CD101: variants seen among roughly 807,000 people sequenced by gnomAD.
The protein encoded by CD101 is immunoglobulin superfamily member 2.
A neutral mutation model predicts 98.2 loss-of-function variants in CD101; 76 were observed. The ratio of observed to expected loss-of-function variants is 0.77; its 90% CI spans 0.64 to 0.94. The LOEUF is 0.94. CD101 is among the 40% of genes least tolerant of loss of function. The pLI is 0.00. For synonymous variants in CD101, 471 were observed against 472.7 expected (o/e 1.00, Z 0.05); for missense variants, 1,145 against 1,218.8 (o/e 0.94, Z 0.90).
chr1:117,036,332 T>G lies in CD101; in HGVS notation c.*198T>G, dbSNP rs1341116669. On this transcript the variant is annotated 3_prime_UTR_variant, in exon 10 of 10. Coordinates refer to ENST00000682167, the MANE Select transcript of CD101 (RefSeq NM_001256106.3). The surrounding 1 kb of genome is among the most constrained non-coding windows in gnomAD (Gnocchi z 5.0). The stretch of plus-strand genomic sequence containing the variant: ...TACCCCAGGGGGAGCTATAGCTTCA[T>G]GACCGTAACATGTGACCTGTGTGCT... 6.6e-6 allele frequency: 1 copy of G among 152,218 alleles called. No homozygotes were observed. Among genetic ancestry groups the G allele is most frequent in the African/African-American group, 2.4e-5 (1 of 41,420 alleles). The allele number at this position is 152,218 out of a possible 1,614,324, so 9.4% of individuals were successfully genotyped here. A position where few individuals can be genotyped will look rare whatever the true frequency, so the allele number is the denominator to read the frequency against.
chr1:117,008,823 G>A (rs1448102635), intron 1 of CD101, among the ~76,000 whole-genome samples: 1 of 151,948 alleles, frequency 6.6e-6, no homozygotes, highest in Non-Finnish European at 1.5e-5. Context: ...ACTCTGTTCG[G>A]TTAACTCCAT....
chr1:117,025,992 C>T (rs1653899049), intron 8 of CD101, 88 bp downstream of exon 8: 1 of 1,401,154 alleles, frequency 7.1e-7, no homozygotes, highest in Non-Finnish European at 9.6e-7. Flanking sequence ...ATCTTTTGCT[C>T]CTTCTGAAGA....
At position 117,005,334 on chromosome 1, in the gene CD101, C is replaced by T. The variant is rs753791248; in HGVS notation, c.43+3474C>T. Among the ~76,000 whole-genome samples, 1 of 152,138 alleles carries T rather than the reference C, an allele frequency of 6.6e-6. No individual in the cohort carries two copies. Among genetic ancestry groups the T allele is most frequent in the Non-Finnish European group, 1.5e-5 (1 of 68,016 alleles). The stretch of plus-strand genomic sequence containing the variant: ...TCTTCATTTTTCCTTCTCCATGAAA[C>T]TCCTGGAAGTAGGTTCCACTTCCTG... On this transcript the variant is annotated intron_variant, in intron 1 of 9. Transcript: ENST00000682167. This position sits in a 1 kb window ranked among gnomAD's most constrained non-coding sequence, Gnocchi z 4.4.
intron 1 of CD101, among the ~76,000 whole-genome samples, chr1:117,003,649 T>C (rs1313812303): frequency 6.6e-6 from 1 of 152,202 alleles, no homozygotes; most frequent in African/African-American, 2.4e-5. Flanking sequence ...TTCTGTCTCT[T>C]TTTTTGGTAA....
intron 1 of CD101, among the ~76,000 whole-genome samples, chr1:117,002,941 G>A (rs1341891192): frequency 6.6e-6 from 1 of 152,208 alleles, no homozygotes; most frequent in South Asian, 2.1e-4. Flanking sequence ...TTTCACCCTA[G>A]TTTATGGACC....
rs1654633311 is a variant in CD101, at chr1:117,033,949, A to C, written c.2914A>C (p.Ile972Leu). The C allele has an allele frequency of 5.0e-6, 8 of 1,613,982 alleles. No individual in the cohort carries two copies. The highest frequency in any genetic ancestry group is 5.9e-6 in the Non-Finnish European group (7 of 1,179,996). Residue 972 changes from isoleucine to leucine, a missense_variant, in exon 9 of 10, where the codon ATC becomes CTC. Ile to Leu is a conservative substitution (Grantham distance 5). Coordinates refer to ENST00000682167, the MANE Select transcript of CD101 (RefSeq NM_001256106.3). The surrounding 1 kb of genome is among the most constrained non-coding windows in gnomAD (Gnocchi z 4.8). ...CTTCGTCCTGCTCCTCCTTCTGCTC[A>C]TCTCCCTCCTCTGCTTATACTGGAA... ...CPFVLLLLLL[I>L]SLLCLYWKAR...
At chr1:117,020,723 G>T (rs1050159720) in intron 6 of CD101, among the ~76,000 whole-genome samples, 2 of 152,200 alleles carry the variant, frequency 1.3e-5, no homozygotes, top group African/African-American at 4.8e-5. Flanking sequence ...CCCTGCACTT[G>T]TCTCCCTCTA....
rs1653280891 is a variant in CD101, at chr1:117,017,228, A to G, written c.1367A>G (p.Gln456Arg). Residue 456 changes from glutamine (Q) to arginine (R), a missense_variant, in exon 5 of 10, where the codon CAG (glutamine) becomes CGG (arginine). Transcript: ENST00000682167. ...SWWHIPRDQT[Q>R]PEFVAGMGQD... ...TGGCACATCCCACGGGACCAGACAC[A>G]GCCCGAGTTTGTGGCTGGCATGGGG... The G allele has an allele frequency of 6.2e-7, 1 of 1,614,106 alleles. No individual in the cohort carries two copies. The highest frequency in any genetic ancestry group is 1.7e-5 in the Admixed American group (1 of 59,998).
chr1:117,034,024 C>T lies in CD101; in HGVS notation c.2989C>T (p.Leu997Phe), dbSNP rs748472532. Residue 997 changes from leucine (L) to phenylalanine (F), a missense_variant, in exon 9 of 10, where the codon CTC becomes TTC. By Grantham distance (22) the Leu-to-Phe change is conservative. Transcript: ENST00000682167. ...LRSNTRKEKA[L>F]WVDLKEAGGV... ...TTCCAACACACGGAAAGAAAAAGCTCTCTGGGTGGACTTGAAAGAGGCTGG... is the reference window on the plus strand; with the variant it reads ...TTCCAACACACGGAAAGAAAAAGCTTTCTGGGTGGACTTGAAAGAGGCTGG... 3 of 1,614,122 alleles carry T rather than the reference C, an allele frequency of 1.9e-6. No individual in the cohort carries two copies. Among genetic ancestry groups the T allele is most frequent in the Admixed American group, 1.7e-5 (1 of 60,018 alleles).
chr1:117,022,979 T>C lies in CD101; in HGVS notation c.2428+996T>C, dbSNP rs1047201987. 6.6e-6 allele frequency among the ~76,000 whole-genome samples: 1 copy of C among 152,214 alleles called. No individual in the cohort carries two copies. The highest frequency in any genetic ancestry group is 2.4e-5 in the African/African-American group (1 of 41,446). ...TGGGCCTGTTTTGCTTCTTATTCTCTGCTTTCCTCAGAATTTCTTAAACAC... is the reference window on the plus strand; with the variant it reads ...TGGGCCTGTTTTGCTTCTTATTCTCCGCTTTCCTCAGAATTTCTTAAACAC... On this transcript the variant is annotated intron_variant, in intron 7 of 9. Coordinates refer to ENST00000682167, the MANE Select transcript of CD101 (RefSeq NM_001256106.3). The surrounding 1 kb of genome is among the most constrained non-coding windows in gnomAD (Gnocchi z 4.8).
chr1:117,023,698 T>TG lies in CD101; in HGVS notation c.2428+1716dup, dbSNP rs1271022158. ...TCCCAAAGTGCTGGGATTACAGGCG[T>TG]GAGCCACTGCGCCCAGCCCAGTTCT... On this transcript the variant is annotated intron_variant, in intron 7 of 9. Transcript: ENST00000682167. This position sits in a 1 kb window ranked among gnomAD's most constrained non-coding sequence, Gnocchi z 4.4. Among the ~76,000 whole-genome samples the TG allele has an allele frequency of 6.6e-6, 1 of 152,078 alleles. No homozygotes were observed. Among genetic ancestry groups the TG allele is most frequent in the Non-Finnish European group, 1.5e-5 (1 of 68,038 alleles).
chr1:117,021,777 A>G lies in CD101; in HGVS notation c.2222A>G (p.Glu741Gly). Reference sequence around the variant, plus strand: ...ACCAATGTTATAAAAACTGGGGATGAGTTTCACACCCCACAGAGAAAACAA... The same window carrying G: ...ACCAATGTTATAAAAACTGGGGATGGGTTTCACACCCCACAGAGAAAACAA... ...DQTNVIKTGD[E>G]FHTPQRKQKF... The change falls in exon 7 of 10, where the codon GAG becomes GGG. Residue 741 changes from glutamate (E) to glycine (G), a missense_variant. By Grantham distance (98) the Glu-to-Gly change is moderately conservative. Transcript: ENST00000682167. The surrounding 1 kb of genome is among the most constrained non-coding windows in gnomAD (Gnocchi z 4.7). 6.2e-7 allele frequency: 1 copy of G among 1,613,988 alleles called. No individual in the cohort carries two copies. Among genetic ancestry groups the G allele is most frequent in the Non-Finnish European group, 8.5e-7 (1 of 1,179,950 alleles).
rs1653878230 is a variant in CD101, at chr1:117,025,750, A to C, written c.2670A>C (p.Thr890=). The change falls in exon 8 of 10, where the codon ACA becomes ACC. Residue 890 remains threonine (T), a synonymous_variant. Transcript: ENST00000682167. ...RHLHCYRSSS[T]DFVLKLHQVE... is the part of the protein sequence containing the mutation. ...TGCACTGTTACCGTTCATCCTCTACAGACTTTGTCCTGAAGCTTCATCAGG... is the reference window on the plus strand; with the variant it reads ...TGCACTGTTACCGTTCATCCTCTACCGACTTTGTCCTGAAGCTTCATCAGG... The C allele has an allele frequency of 1.2e-6, 2 of 1,614,074 alleles. No individual in the cohort carries two copies. The highest frequency in any genetic ancestry group is 2.7e-5 in the African/African-American group (2 of 74,916).
chr1:117,014,509 C>A (rs1653092751), intron 4 of CD101, among the ~76,000 whole-genome samples: 1 of 152,150 alleles, frequency 6.6e-6, no homozygotes. Context: ...ATGCACGGAA[C>A]TGAGGAAGCC....
intron 4 of CD101, 49 bp downstream of exon 4, chr1:117,013,841 C>T (rs200458798): frequency 1.3e-6 from 2 of 1,530,460 alleles, no homozygotes; most frequent in East Asian, 4.6e-5. Context: ...TCAGATGCCC[C>T]CTTGTCAGTG....
rs41276564 is a variant in CD101, at chr1:117,018,282, A to G, written c.1739A>G (p.Gln580Arg). 9.3e-6 allele frequency: 15 copies of G among 1,614,194 alleles called. No homozygotes were observed. The highest frequency in any genetic ancestry group is 1.3e-5 in the Non-Finnish European group (15 of 1,180,022). The change falls in exon 6 of 10, where the codon CAG becomes CGG. Residue 580 changes from glutamine to arginine, a missense_variant. By Grantham distance (43) the Gln-to-Arg change is conservative. Coordinates refer to ENST00000682167, the MANE Select transcript of CD101 (RefSeq NM_001256106.3). This position sits in a 1 kb window ranked among gnomAD's most constrained non-coding sequence, Gnocchi z 4.3. ...AAGGTGCCACTCACTGTGACGTGGCAGTTCCAGCCAGCTAGCTCTCACATC... is the reference window on the plus strand; with the variant it reads ...AAGGTGCCACTCACTGTGACGTGGCGGTTCCAGCCAGCTAGCTCTCACATC... Reference protein sequence around the residue: ...DLKVPLTVTWQFQPASSHIFH... With the variant: ...DLKVPLTVTWRFQPASSHIFH...
Position 117,034,020 on chromosome 1 carries a change from A to G in CD101, c.2985A>G (p.Lys995=), listed in dbSNP as rs1251869638. 1 of 1,614,018 alleles carries G rather than the reference A, an allele frequency of 6.2e-7. No individual in the cohort carries two copies. The highest frequency in any genetic ancestry group is 1.3e-5 in the African/African-American group (1 of 74,902). Residue 995 remains lysine, a synonymous_variant, in exon 9 of 10, where the codon AAA becomes AAG. Coordinates refer to ENST00000682167, the MANE Select transcript of CD101 (RefSeq NM_001256106.3). ...STLRSNTRKE[K]ALWVDLKEAG... ...TGCGTTCCAACACACGGAAAGAAAA[A>G]GCTCTCTGGGTGGACTTGAAAGAGG...
In CD101 at chr1:117,004,131, AATGGCCATTAAT is replaced by A. The variant is rs1468721027; in HGVS notation, c.43+2277_43+2288del. On this transcript the variant is annotated intron_variant, in intron 1 of 9. Transcript: ENST00000682167. The surrounding 1 kb of genome is among the most constrained non-coding windows in gnomAD (Gnocchi z 4.1). ...CACCCAAACTAGCTGCCCTACAAAT[AATGGCCATTAAT>A]ATGGCAGGGTTTGGGGGAAGGGCTA... Among the ~76,000 whole-genome samples, 1 of 152,160 alleles carries A rather than the reference AATGGCCATTAAT, an allele frequency of 6.6e-6. No individual in the cohort carries two copies. The highest frequency in any genetic ancestry group is 1.5e-5 in the Non-Finnish European group (1 of 68,028).
Position 117,033,709 on chromosome 1 carries a change from G to A in CD101, c.2825-151G>A. 1.0e-6 allele frequency: 1 copy of A among 953,622 alleles called. No individual in the cohort carries two copies. The highest frequency in any genetic ancestry group is 1.6e-6 in the Non-Finnish European group (1 of 644,212). 59.1% of individuals were successfully genotyped at this position (953,622 alleles called of 1,614,324 possible). On this transcript the variant is annotated intron_variant, in intron 8 of 9. Coordinates refer to ENST00000682167, the MANE Select transcript of CD101 (RefSeq NM_001256106.3). This position sits in a 1 kb window ranked among gnomAD's most constrained non-coding sequence, Gnocchi z 4.8. The stretch of plus-strand genomic sequence containing the variant: ...CTCTCTTCCCCCAGTGCTCTGTCCT[G>A]TGCTCCTCATGATTTCAGGGGCCCA...
Sources: gnomAD v4.1 joint callset for allele counts (sites outside exome capture counted in the v4.1 genomes callset) on GRCh38, gnomAD v4.1.1 for gene constraint, Gnocchi (gnomAD v3.1) non-coding constraint, MANE v1.5 for transcripts, NCBI Gene and HGNC (gene_info 2026-07-23, HGNC 2026-07-21) for gene names.